The following DLGAP1 variants were observed in gnomAD, a reference collection of about 807,000 sequenced individuals.
DLGAP1 encodes the protein DLG associated protein 1.
Under a neutral mutation model 90.8 loss-of-function variants are expected in DLGAP1, and 11 were observed. The observed-to-expected ratio is 0.12, with a 90% confidence interval of 0.08 to 0.20. The LOEUF is 0.20. DLGAP1 is among the 10% of genes least tolerant of loss of function. The pLI is 1.00. For missense variants in DLGAP1, 1,050 were observed against 1,333.8 expected, an observed-to-expected ratio of 0.79 and a Z score of 3.31; for synonymous variants, 558 against 540.7, an observed-to-expected ratio of 1.03 and a Z score of -0.44.
rs372704538 is a variant in DLGAP1 at position 3,959,935 on chromosome 18, A to G, written c.-73+45181T>C. Among the ~76,000 whole-genome samples, 236 of 152,298 alleles carry G rather than the reference A, an allele frequency of 1.5e-3. 3 individuals carry two copies. The South Asian group carries it at 0.025, about 16-fold the overall frequency. On this transcript the variant is annotated intron_variant, in intron 3 of 12. Coordinates refer to ENST00000315677, the MANE Select transcript of DLGAP1 (RefSeq NM_004746.4). ...CCTTTTACACTTACATCACATTTCA[A>G]TTCAGACAAGCTTCTTTTCAAGAGC...
intron 2 of DLGAP1, among the ~76,000 whole-genome samples, chr18:4,070,518 T>G (rs2075431805): frequency 1.9e-5 from 1 of 52,540 alleles, no homozygotes; most frequent in Admixed American, 1.3e-4. Context: ...AAGTATATTT[T>G]TTTTGCATAA....
intron 10 of DLGAP1, 118 bp from the exon 11 acceptor site, chr18:3,508,779 C>G: frequency 2.7e-6 from 2 of 740,342 alleles, no homozygotes; most frequent in Non-Finnish European, 4.4e-6. Flanking sequence ...CACACACACA[C>G]TGAACACTCA....
At chr18:3,860,101 A>AAAAAAAATAAATAAATAAAT (rs138109890) in intron 4 of DLGAP1, among the ~76,000 whole-genome samples, 1 of 144,400 alleles carries the variant, frequency 6.9e-6, no homozygotes, top group Admixed American at 6.9e-5. Flanking sequence ...TCTGTCTCAA[A>AAAAAAAATAAATAAATAAAT]AAATAAATAA....
intron 1 of DLGAP1, among the ~76,000 whole-genome samples, chr18:4,232,959 A>G (rs908136301): frequency 6.6e-6 from 1 of 152,242 alleles, no homozygotes; most frequent in Non-Finnish European, 1.5e-5. Flanking sequence ...TCAAGATTAT[A>G]GGGACCACCT....
intron 1 of DLGAP1, among the ~76,000 whole-genome samples, chr18:4,343,063 T>C (rs929719227): frequency 2.5e-4 from 38 of 152,048 alleles, no homozygotes; most frequent in African/African-American, 8.9e-4. Flanking sequence ...ATGCCAGCAC[T>C]TTGGGAGGCC....
chr18:4,354,150 G>A (rs1269686554), intron 1 of DLGAP1, among the ~76,000 whole-genome samples: 1 of 152,112 alleles, frequency 6.6e-6, no homozygotes, highest in East Asian at 1.9e-4. Flanking sequence ...GCCTCTTTCT[G>A]GCCTTCTGCC....
intron 1 of DLGAP1, among the ~76,000 whole-genome samples, chr18:4,167,347 T>C (rs987722972): frequency 6.6e-6 from 1 of 152,032 alleles, no homozygotes; most frequent in Non-Finnish European, 1.5e-5. Flanking sequence ...AATTAAAAAA[T>C]AGGTGTGGCT....
intron 7 of DLGAP1, among the ~76,000 whole-genome samples, chr18:3,631,985 A>C (rs768769760): frequency 1.1e-4 from 16 of 152,068 alleles, no homozygotes; most frequent in Non-Finnish European, 1.8e-4. Context: ...TCCGTTGCCC[A>C]AGCTGGCCTC....
At position 4,424,427 on chromosome 18, in the gene DLGAP1, T is replaced by C. The variant is rs924162197; in HGVS notation, c.-267+30579A>G. 2.6e-5 allele frequency among the ~76,000 whole-genome samples: 4 copies of C among 152,192 alleles called. No individual in the cohort carries two copies. The East Asian group carries it at 7.7e-4, about 29-fold the overall frequency. ...AATTCACCTCCTCTATTTCTGATTT[T>C]TACACCATCCTCCTAGTTTTATTAT... On this transcript the variant is annotated intron_variant, in intron 1 of 12. Transcript: ENST00000315677.
chr18:3,708,620 A>C (rs1357448923), intron 7 of DLGAP1: 1 of 433,904 alleles, frequency 2.3e-6, no homozygotes, highest in Admixed American at 2.5e-5. Flanking sequence ...ATCTGGACTT[A>C]AGTGGCTTTA....
At chr18:3,778,078 A>G (rs1303862352) in intron 5 of DLGAP1, among the ~76,000 whole-genome samples, 3 of 152,214 alleles carry the variant, frequency 2.0e-5, no homozygotes, top group Non-Finnish European at 4.4e-5. Flanking sequence ...TTAAAGATAT[A>G]TCTTTAGGAG....
Position 3,838,566 on chromosome 18 carries a change from G to T in DLGAP1, c.958-24293C>A, listed in dbSNP as rs1221546503. Among the ~76,000 whole-genome samples, 3 of 152,200 alleles carry T rather than the reference G, an allele frequency of 2.0e-5. No individual in the cohort carries two copies. The East Asian group carries it at 5.8e-4, about 29-fold the overall frequency. ...GCTTACAGCAATGAGTAAACTCTTA[G>T]AGCCAGGTTGTGAACTGCTTGTTGT... On this transcript the variant is annotated intron_variant, in intron 4 of 12. Coordinates refer to ENST00000315677, the MANE Select transcript of DLGAP1 (RefSeq NM_004746.4).
At chr18:4,411,691 AAT>A (rs758098153) in intron 1 of DLGAP1, among the ~76,000 whole-genome samples, 6 of 152,158 alleles carry the variant, frequency 3.9e-5, no homozygotes, top group Non-Finnish European at 5.9e-5. Context: ...TGCAACAACC[AAT>A]ATGGTTCACT....
intron 3 of DLGAP1, among the ~76,000 whole-genome samples, chr18:3,981,968 G>GGTTACTAT (rs2073740353): frequency 1.3e-5 from 2 of 151,596 alleles, no homozygotes; most frequent in Non-Finnish European, 2.9e-5. Flanking sequence ...TTATATTATT[G>GGTTACTAT]GTTACTATTT....
intron 1 of DLGAP1, among the ~76,000 whole-genome samples, chr18:4,424,310 T>A (rs762464590): frequency 3.3e-5 from 5 of 152,222 alleles, no homozygotes; most frequent in Non-Finnish European, 5.9e-5. Flanking sequence ...TTCTCCTTTT[T>A]AGTTTACTTG....
Position 3,567,512 on chromosome 18 carries a change from C to A in DLGAP1, c.2035G>T (p.Val679Leu). ...TACCACTTCTCTTCTTCTACTTGCACTCCCACGGACTGGAACTTACTGGGT... is the reference window on the plus strand; with the variant it reads ...TACCACTTCTCTTCTTCTACTTGCAATCCCACGGACTGGAACTTACTGGGT... ...KAPSKFQSVGVQVEEEKCFRR... is the reference protein window; with the variant it reads ...KAPSKFQSVGLQVEEEKCFRR... The change falls in exon 9 of 13, where the codon GTG becomes TTG. Residue 679 changes from valine to leucine, a missense_variant. Coordinates refer to ENST00000315677, the MANE Select transcript of DLGAP1 (RefSeq NM_004746.4). 1 of 1,613,970 alleles carries A rather than the reference C, an allele frequency of 6.2e-7. No individual in the cohort carries two copies.
rs1416784349 is a variant in DLGAP1, at chr18:3,775,736, C to G, written c.1173-33224G>C. ...GTGAAGGGGAAGTTTCCCCTTGGCC[C>G]CTACAACAGCTCAAAAAATTGTCAC... is the stretch of plus-strand genomic sequence containing the variant. On this transcript the variant is annotated intron_variant, in intron 5 of 12. Coordinates refer to ENST00000315677, the MANE Select transcript of DLGAP1 (RefSeq NM_004746.4). The surrounding 1 kb of genome is among the most constrained non-coding windows in gnomAD (Gnocchi z 4.9). Among the ~76,000 whole-genome samples the G allele has an allele frequency of 6.6e-6, 1 of 152,104 alleles. No homozygotes were observed. Among genetic ancestry groups the G allele is most frequent in the Non-Finnish European group, 1.5e-5 (1 of 68,002 alleles).
intron 7 of DLGAP1, chr18:3,604,317 C>T (rs1426490949): frequency 2.6e-5 from 4 of 152,188 alleles, no homozygotes; most frequent in Non-Finnish European, 5.9e-5. Context: ...CTCCTTCCTC[C>T]CCACTGATTC....
intron 10 of DLGAP1, among the ~76,000 whole-genome samples, chr18:3,524,695 T>C (rs2051487769): frequency 6.6e-6 from 1 of 152,100 alleles, no homozygotes; most frequent in Admixed American, 6.5e-5. Context: ...CCAGACTGGG[T>C]AACATTGTGA....
Sources: allele counts gnomAD v4.1 joint callset (sites outside exome capture counted in the v4.1 genomes callset), GRCh38; gene constraint gnomAD v4.1.1; non-coding constraint Gnocchi (gnomAD v3.1); transcripts MANE v1.5; gene names NCBI Gene and HGNC (gene_info 2026-07-23, HGNC 2026-07-21).